MAP3K5: variants seen among roughly 807,000 people sequenced by gnomAD.
The protein encoded by MAP3K5 is mitogen-activated protein kinase kinase kinase 5.
Under a neutral mutation model 158.7 loss-of-function variants are expected in MAP3K5, and 56 were observed. That is an observed-to-expected ratio of 0.35 (90% confidence interval 0.28 to 0.44). The LOEUF is 0.44. MAP3K5 is among the 20% of genes least tolerant of loss of function. The pLI is 1.00. For missense variants in MAP3K5, 1,294 were observed against 1,674.8 expected, an observed-to-expected ratio of 0.77 and a Z score of 3.97; for synonymous variants, 579 against 601.7, an observed-to-expected ratio of 0.96 and a Z score of 0.55.
At chr6:136,611,458 TCC>T in intron 17 of MAP3K5, 71 bp from the exon 18 acceptor site, 1 of 819,614 alleles carries the variant, frequency 1.2e-6, no homozygotes, top group Non-Finnish European at 2.0e-6. Flanking sequence ...ACTTGGTAAG[TCC>T]AATTTAAAAA....
intron 1 of MAP3K5, among the ~76,000 whole-genome samples, chr6:136,738,729 T>C (rs1782582240): frequency 6.6e-6 from 1 of 152,154 alleles, no homozygotes; most frequent in African/African-American, 2.4e-5. Flanking sequence ...TGAGCTGAAG[T>C]GCTGGTGAGA....
intron 7 of MAP3K5, among the ~76,000 whole-genome samples, chr6:136,683,235 T>C (rs1780009484): frequency 6.6e-6 from 1 of 152,218 alleles, no homozygotes; most frequent in Non-Finnish European, 1.5e-5. Context: ...TAGTGATTTG[T>C]GTAGTTTGAG....
In MAP3K5 at chr6:136,611,359, C is replaced by T; in HGVS notation, c.2444G>A (p.Ser815Asn). ...GAAGTCAGAGATCTTGAGAACACCA[C>T]TGTAGGTATTAATCAACACATTGTC... ...KGDNVLINTY[S>N]GVLKISDFGT... is the part of the protein sequence containing the mutation. Residue 815 changes from serine to asparagine, a missense_variant, in exon 18 of 30, where the codon AGT becomes AAT. By Grantham distance (46) the Ser-to-Asn change is conservative (BLOSUM62 1). Around this residue, in one of 5 missense-constraint regions of MAP3K5, gnomAD observed 362 missense variants for 463.2 expected, o/e 0.78. Transcript: ENST00000359015. 1 of 1,611,080 alleles carries T rather than the reference C, an allele frequency of 6.2e-7. No homozygotes were observed. The highest frequency in any genetic ancestry group is 8.5e-7 in the Non-Finnish European group (1 of 1,177,554).
chr6:136,666,717 T>C (rs1041418994), intron 8 of MAP3K5, among the ~76,000 whole-genome samples: 4 of 152,226 alleles, frequency 2.6e-5, no homozygotes, highest in African/African-American at 9.6e-5. Flanking sequence ...CTATGTTGAT[T>C]AGCATAATTT....
chr6:136,739,151 TG>T (rs1461710757), intron 1 of MAP3K5, among the ~76,000 whole-genome samples: 3 of 152,118 alleles, frequency 2.0e-5, no homozygotes, highest in African/African-American at 7.2e-5. Context: ...AAAGTAATGG[TG>T]TCTGAAGGAG....
At chr6:136,730,160 T>G (rs574177462) in intron 1 of MAP3K5, among the ~76,000 whole-genome samples, 35 of 138,804 alleles carry the variant, frequency 2.5e-4, no homozygotes, top group South Asian at 1.3e-3. Flanking sequence ...GTTGTTTTTT[T>G]TTTTTTGTTT....
At chr6:136,731,343 G>A (rs748682327) in intron 1 of MAP3K5, among the ~76,000 whole-genome samples, 27 of 152,180 alleles carry the variant, frequency 1.8e-4, no homozygotes, top group Non-Finnish European at 2.4e-4. Flanking sequence ...CAGCAGAAAT[G>A]TCTTCTTTCA....
chr6:136,762,647 A>G (rs1783808394), intron 1 of MAP3K5, among the ~76,000 whole-genome samples: 1 of 152,246 alleles, frequency 6.6e-6, no homozygotes, highest in African/African-American at 2.4e-5. Flanking sequence ...AAATTATACC[A>G]GGGAAAGTAC....
At chr6:136,695,250 G>A (rs1780553320) in intron 6 of MAP3K5, among the ~76,000 whole-genome samples, 1 of 152,144 alleles carries the variant, frequency 6.6e-6, no homozygotes, top group Admixed American at 6.5e-5. Context: ...CGATTCTCCT[G>A]CCTCAGCCTC....
chr6:136,666,307 C>T (rs1229218847), intron 8 of MAP3K5, among the ~76,000 whole-genome samples: 1 of 152,166 alleles, frequency 6.6e-6, no homozygotes, highest in African/African-American at 2.4e-5. Context: ...CATTTGAGAT[C>T]TTAAGATAAT....
intron 14 of MAP3K5, among the ~76,000 whole-genome samples, chr6:136,624,647 T>G (rs559691002): frequency 6.6e-6 from 1 of 152,258 alleles, no homozygotes; most frequent in Non-Finnish European, 1.5e-5. Context: ...CAAAAGTATA[T>G]TTTACTTTCC....
At chr6:136,720,658 T>G in intron 1 of MAP3K5, 69 bp from the exon 2 acceptor site, 2 of 1,176,930 alleles carry the variant, frequency 1.7e-6, no homozygotes, top group Non-Finnish European at 2.4e-6. Context: ...CATTTTGGTT[T>G]GAATTATCTT....
intron 21 of MAP3K5, among the ~76,000 whole-genome samples, chr6:136,597,645 A>G (rs191828742): frequency 1.3e-5 from 2 of 152,298 alleles, no homozygotes; most frequent in East Asian, 3.9e-4. Context: ...TTAATTTTTA[A>G]CAAGCATTGC....
intron 15 of MAP3K5, among the ~76,000 whole-genome samples, chr6:136,620,511 G>A (rs1307210512): frequency 6.6e-6 from 1 of 152,112 alleles, no homozygotes; most frequent in African/African-American, 2.4e-5. Flanking sequence ...TGGAGATGTG[G>A]GGTAGACAGG....
chr6:136,791,627 C>A, intron 1 of MAP3K5, 83 bp downstream of exon 1: 3 of 1,468,280 alleles, frequency 2.0e-6, no homozygotes, highest in Non-Finnish European at 2.8e-6. Flanking sequence ...TGCTTCCCGC[C>A]CAGAAAAATG....
At chr6:136,605,467 G>A (rs1285320364) in intron 18 of MAP3K5, 101 bp from the exon 19 acceptor site, 3 of 954,030 alleles carry the variant, frequency 3.1e-6, no homozygotes, top group African/African-American at 3.3e-5. Context: ...TGAGACAACT[G>A]TAAAAACATG....
At chr6:136,758,635 T>A (rs1783607996) in intron 1 of MAP3K5, among the ~76,000 whole-genome samples, 1 of 152,194 alleles carries the variant, frequency 6.6e-6, no homozygotes, top group Admixed American at 6.5e-5. Context: ...CTCCTTTACC[T>A]ATGGATTAGA....
chr6:136,667,837 C>A (rs957034312), intron 8 of MAP3K5, among the ~76,000 whole-genome samples: 1 of 151,368 alleles, frequency 6.6e-6, no homozygotes, highest in Non-Finnish European at 1.5e-5. Flanking sequence ...CAGAGTGAGA[C>A]CCTGTCTCAG....
chr6:136,705,883 C>T (rs1781054173), intron 2 of MAP3K5, among the ~76,000 whole-genome samples: 1 of 152,094 alleles, frequency 6.6e-6, no homozygotes, highest in Non-Finnish European at 1.5e-5. Flanking sequence ...AGGGTATTGG[C>T]CACCGGCAAA....
Sources: gnomAD v4.1 joint callset for allele counts (sites outside exome capture counted in the v4.1 genomes callset) on GRCh38, gnomAD v4.1.1 for gene constraint, gnomAD v4.1.1 regional missense constraint, MANE v1.5 for transcripts, NCBI Gene and HGNC (gene_info 2026-07-23, HGNC 2026-07-21) for gene names.